The following OR6N2 variants were observed in gnomAD, a reference collection of about 807,000 sequenced individuals.
OR6N2 encodes the protein olfactory receptor family 6 subfamily N member 2, also known as olfactory receptor 6N2.
For missense variants in OR6N2, 399 were observed against 379.7 expected, an observed-to-expected ratio of 1.05 and a Z score of -0.42; for synonymous variants, 160 against 138.3, an observed-to-expected ratio of 1.16 and a Z score of -1.10.
In OR6N2 at chr1:158,776,592, T is replaced by C. The variant is rs1227724081; in HGVS notation, c.*90A>G. ...AAGTCTTTGAAGAGGTGAAAGGAAATGAAATTCAGAGCATGTGTGATGATG... is the reference window on the plus strand; with the variant it reads ...AAGTCTTTGAAGAGGTGAAAGGAAACGAAATTCAGAGCATGTGTGATGATG... On this transcript the variant is annotated 3_prime_UTR_variant, in exon 2 of 2. Coordinates refer to ENST00000641131, the MANE Select transcript of OR6N2 (RefSeq NM_001005278.2). 3 of 695,182 alleles carry C rather than the reference T, an allele frequency of 4.3e-6. No homozygotes were observed. The highest frequency in any genetic ancestry group is 2.2e-5 in the South Asian group (1 of 46,080). 43.1% of individuals were successfully genotyped at this position (695,182 alleles called of 1,614,324 possible).
In OR6N2 at chr1:158,777,319, GAGTGGAAGA is replaced by G. The variant is rs749430304; in HGVS notation, c.308_316del (p.Phe103_His105del). 2 of 1,614,038 alleles carry G rather than the reference GAGTGGAAGA, an allele frequency of 1.2e-6. No homozygotes were observed. The highest frequency in any genetic ancestry group is 2.7e-5 in the African/African-American group (2 of 74,922). On this transcript the variant is annotated inframe_deletion, in exon 2 of 2. Transcript: ENST00000641131. ...AAGGTAGCATTCAGACGCTCCCAAG[GAGTGGAAGA>G]AGTAGGTCTGAAGGAGGCATCCTGC...
rs762597121 is a variant in OR6N2, at chr1:158,777,524, T to C, written c.112A>G (p.Thr38Ala). Reference protein sequence around the residue: ...FVLLLLAYLFTICGNMLIFSV... With the variant: ...FVLLLLAYLFAICGNMLIFSV... ...AAGATGAGCATGTTACCACAGATGGTGAACAGGTATGCCAATAGCAGCAGG... is the reference window on the plus strand; with the variant it reads ...AAGATGAGCATGTTACCACAGATGGCGAACAGGTATGCCAATAGCAGCAGG... The change falls in exon 2 of 2, where the codon ACC becomes GCC. Residue 38 changes from threonine (T) to alanine (A), a missense_variant. Transcript: ENST00000641131. The C allele has an allele frequency of 6.2e-6, 10 of 1,614,004 alleles. No homozygotes were observed. Among genetic ancestry groups the C allele is most frequent in the Non-Finnish European group, 8.5e-6 (10 of 1,180,008 alleles).
At position 158,777,659 on chromosome 1, in the gene OR6N2, A is replaced by G. The variant is rs750510037; in HGVS notation, c.-6-18T>C. 2.0e-6 allele frequency: 3 copies of G among 1,480,920 alleles called. No individual in the cohort carries two copies. Among genetic ancestry groups the G allele is most frequent in the East Asian group, 2.3e-5 (1 of 44,012 alleles). 91.7% of individuals were successfully genotyped at this position (1,480,920 alleles called of 1,614,324 possible). ...ATGGGAGGCTGAGGTAAAGAAGGAA[A>G]GAAGAAAACATTGGATTGAGATGAC... On this transcript the variant is annotated intron_variant, in intron 1 of 1. Transcript: ENST00000641131.
chr1:158,774,881 T>C lies in OR6N2; in HGVS notation c.*1801A>G, dbSNP rs1014276427. 1 of 152,202 alleles carries C rather than the reference T, an allele frequency of 6.6e-6. No homozygotes were observed. The highest frequency in any genetic ancestry group is 2.4e-5 in the African/African-American group (1 of 41,444). The allele number at this position is 152,202 out of a possible 1,614,324, so 9.4% of individuals were successfully genotyped here. ...AAATAGGGAAGACCGATGCATTCTA[T>C]AGAACAGTGGGTTTCAGTAATGATT... is the stretch of plus-strand genomic sequence containing the variant. On this transcript the variant is annotated 3_prime_UTR_variant, in exon 2 of 2. Transcript: ENST00000641131.
rs1376806295 is a variant in OR6N2, at chr1:158,777,486, T to G, written c.150A>C (p.Arg50=). ...CGNMLIFSVI[R]LDAALHTPMY... ...TAGGTGTGTGCAGAGCTGCATCCAG[T>G]CGGATGACTGAGAAGATGAGCATGT... The change falls in exon 2 of 2, where the codon CGA becomes CGC. Residue 50 remains arginine, a synonymous_variant. Transcript: ENST00000641131. The G allele has an allele frequency of 6.2e-7, 1 of 1,614,144 alleles. No individual in the cohort carries two copies. Among genetic ancestry groups the G allele is most frequent in the South Asian group, 1.1e-5 (1 of 91,080 alleles).
chr1:158,776,786 T>C lies in OR6N2; in HGVS notation c.850A>G (p.Met284Val). Residue 284 changes from methionine to valine, a missense_variant, in exon 2 of 2, where the codon ATG (methionine) becomes GTG (valine). Physicochemically the swap from Met to Val is conservative, Grantham distance 21. Coordinates refer to ENST00000641131, the MANE Select transcript of OR6N2 (RefSeq NM_001005278.2). ...AGACTGTAGATAATTGGATTGACCA[T>C]TGGTGTTAGTACGGAGTAAACTATA... ...LAIVYSVLTP[M>V]VNPIIYSLRN... 6.2e-7 allele frequency: 1 copy of C among 1,613,968 alleles called. No homozygotes were observed. The highest frequency in any genetic ancestry group is 8.5e-7 in the Non-Finnish European group (1 of 1,179,838).
In OR6N2 at chr1:158,781,153, C is replaced by T. The variant is rs1571614964; in HGVS notation, c.-7+17G>A. The T allele has an allele frequency of 6.6e-6, 1 of 152,344 alleles. No individual in the cohort carries two copies. The highest frequency in any genetic ancestry group is 1.9e-4 in the East Asian group (1 of 5,178). The allele number at this position is 152,344 out of a possible 1,614,324, so 9.4% of individuals were successfully genotyped here. On this transcript the variant is annotated intron_variant, in intron 1 of 1. Coordinates refer to ENST00000641131, the MANE Select transcript of OR6N2 (RefSeq NM_001005278.2). Reference sequence around the variant, plus strand: ...ATCCCTGATCAATATAGTTAATGTGCCCCTTAGTTCACCTACCAACCACTG... The same window carrying T: ...ATCCCTGATCAATATAGTTAATGTGTCCCTTAGTTCACCTACCAACCACTG...
chr1:158,777,844 T>A (rs1208946066), intron 1 of OR6N2, among the ~76,000 whole-genome samples: 1 of 152,260 alleles, frequency 6.6e-6, no homozygotes, highest in Non-Finnish European at 1.5e-5. Flanking sequence ...TACAAGTGTC[T>A]TGCATTCAAT....
At position 158,775,288 on chromosome 1, in the gene OR6N2, C is replaced by A. The variant is rs944467087; in HGVS notation, c.*1394G>T. The stretch of plus-strand genomic sequence containing the variant: ...ATTGATATTTGAACAGAAAATCACA[C>A]AATTAGGAGGAGTGAACCAAATGAA... On this transcript the variant is annotated 3_prime_UTR_variant, in exon 2 of 2. Coordinates refer to ENST00000641131, the MANE Select transcript of OR6N2 (RefSeq NM_001005278.2). The A allele has an allele frequency of 6.6e-6, 1 of 152,084 alleles. No homozygotes were observed. Among genetic ancestry groups the A allele is most frequent in the African/African-American group, 2.4e-5 (1 of 41,398 alleles). 9.4% of individuals were successfully genotyped at this position (152,084 alleles called of 1,614,324 possible). A position where few individuals can be genotyped will look rare whatever the true frequency, so the allele number is the denominator to read the frequency against.
rs1227309905 is a variant in OR6N2, at chr1:158,776,113, A to G, written c.*569T>C. 1.3e-5 allele frequency: 2 copies of G among 152,258 alleles called. No individual in the cohort carries two copies. The highest frequency in any genetic ancestry group is 4.8e-5 in the African/African-American group (2 of 41,466). 9.4% of individuals were successfully genotyped at this position (152,258 alleles called of 1,614,324 possible). On this transcript the variant is annotated 3_prime_UTR_variant, in exon 2 of 2. Coordinates refer to ENST00000641131, the MANE Select transcript of OR6N2 (RefSeq NM_001005278.2). ...AGACTGGGAAAGACTCACAAGAAAG[A>G]TAAGAAAATTGGGAGGTAATGATGT...
At position 158,776,636 on chromosome 1, in the gene OR6N2, C is replaced by A; in HGVS notation, c.*46G>T. The A allele has an allele frequency of 8.5e-7, 1 of 1,171,976 alleles. No homozygotes were observed. The highest frequency in any genetic ancestry group is 1.2e-6 in the Non-Finnish European group (1 of 819,660). 72.6% of individuals were successfully genotyped at this position (1,171,976 alleles called of 1,614,324 possible). ...GATGATGGGAAGATTACTCAAGGAA[C>A]TTTTATGAATTGAACATTGAGGTGA... On this transcript the variant is annotated 3_prime_UTR_variant, in exon 2 of 2. Coordinates refer to ENST00000641131, the MANE Select transcript of OR6N2 (RefSeq NM_001005278.2).
At position 158,775,428 on chromosome 1, in the gene OR6N2, A is replaced by G. The variant is rs1016054762; in HGVS notation, c.*1254T>C. 9 of 152,216 alleles carry G rather than the reference A, an allele frequency of 5.9e-5. No individual in the cohort carries two copies. Among genetic ancestry groups the G allele is most frequent in the African/African-American group, 2.2e-4 (9 of 41,468 alleles). 9.4% of individuals were successfully genotyped at this position (152,216 alleles called of 1,614,324 possible). ...AAGAGGGAGCTGAGGGAGTAGAGGT[A>G]TGAATCTATGTTGAAGAGGAAGGCA... is the stretch of plus-strand genomic sequence containing the variant. On this transcript the variant is annotated 3_prime_UTR_variant, in exon 2 of 2. Transcript: ENST00000641131.
At position 158,777,584 on chromosome 1, in the gene OR6N2, CA is replaced by C. The variant is rs1657641078; in HGVS notation, c.51del (p.Phe17LeufsTer118). ...SSLAEFVFLG[F>X]ASVGYVRGWL... ...CAGCCCCTGACATAGCCCACACTGG[CA>C]AAGCCAAGGAACACAAATTCAGCCA... On this transcript the variant is annotated frameshift_variant, in exon 2 of 2. Coordinates refer to ENST00000641131, the MANE Select transcript of OR6N2 (RefSeq NM_001005278.2). LOFTEE classifies it low-confidence loss of function (END_TRUNC). 1 of 1,613,864 alleles carries C rather than the reference CA, an allele frequency of 6.2e-7. No individual in the cohort carries two copies. The highest frequency in any genetic ancestry group is 8.5e-7 in the Non-Finnish European group (1 of 1,179,994).
In OR6N2 at chr1:158,776,798, C is replaced by A; in HGVS notation, c.838G>T (p.Val280Leu). The change falls in exon 2 of 2, where the codon GTA becomes TTA. Residue 280 changes from valine (V) to leucine (L), a missense_variant. By Grantham distance (32) the Val-to-Leu change is conservative (BLOSUM62 1). Transcript: ENST00000641131. ...LDRTLAIVYS[V>L]LTPMVNPIIY... ...ATTGGATTGACCATTGGTGTTAGTACGGAGTAAACTATAGCAAGTGTTCGG... is the reference window on the plus strand; with the variant it reads ...ATTGGATTGACCATTGGTGTTAGTAAGGAGTAAACTATAGCAAGTGTTCGG... 1.9e-6 allele frequency: 3 copies of A among 1,613,882 alleles called. No homozygotes were observed. Among genetic ancestry groups the A allele is most frequent in the Non-Finnish European group, 2.5e-6 (3 of 1,179,826 alleles).
Position 158,775,920 on chromosome 1 carries a change from T to A in OR6N2, c.*762A>T, listed in dbSNP as rs1657581419. ...TGTTAAGTTTTAAATTATTGACAAGTCCAATCCAGGCAGTGTTGATAAGTA... is the reference window on the plus strand; with the variant it reads ...TGTTAAGTTTTAAATTATTGACAAGACCAATCCAGGCAGTGTTGATAAGTA... On this transcript the variant is annotated 3_prime_UTR_variant, in exon 2 of 2. Coordinates refer to ENST00000641131, the MANE Select transcript of OR6N2 (RefSeq NM_001005278.2). 6.6e-6 allele frequency: 1 copy of A among 152,180 alleles called. No individual in the cohort carries two copies. The highest frequency in any genetic ancestry group is 2.4e-5 in the African/African-American group (1 of 41,450). 9.4% of individuals were successfully genotyped at this position (152,180 alleles called of 1,614,324 possible).
chr1:158,778,025 T>C lies in OR6N2; in HGVS notation c.-6-384A>G, dbSNP rs116800204. On this transcript the variant is annotated intron_variant, in intron 1 of 1. Transcript: ENST00000641131. ...ACCATCCTCAAGCATTCTAGCTCTA[T>C]ACTATATGACTGTTCCCAAACATTC... 3.0e-3 allele frequency among the ~76,000 whole-genome samples: 457 copies of C among 152,338 alleles called. 2 individuals are homozygous for C. Among genetic ancestry groups the C allele is most frequent in the African/African-American group, 0.011 (443 of 41,578 alleles).
At chr1:158,780,738 C>G (rs1009160979) in intron 1 of OR6N2, among the ~76,000 whole-genome samples, 4 of 152,138 alleles carry the variant, frequency 2.6e-5, no homozygotes, top group Admixed American at 2.6e-4. Flanking sequence ...GTAGAATTAT[C>G]GTTCATTGGG....
Position 158,774,428 on chromosome 1 carries a change from T to C in OR6N2, c.*2254A>G, listed in dbSNP as rs1409179247. 6.6e-6 allele frequency: 1 copy of C among 152,120 alleles called. No homozygotes were observed. The highest frequency in any genetic ancestry group is 1.5e-5 in the Non-Finnish European group (1 of 68,036). The allele number at this position is 152,120 out of a possible 1,614,324, so 9.4% of individuals were successfully genotyped here. A position where few individuals can be genotyped will look rare whatever the true frequency, so the allele number is the denominator to read the frequency against. On this transcript the variant is annotated 3_prime_UTR_variant, in exon 2 of 2. Coordinates refer to ENST00000641131, the MANE Select transcript of OR6N2 (RefSeq NM_001005278.2). The stretch of plus-strand genomic sequence containing the variant: ...GCAATGAGAAACAGAAGCCTGGGGT[T>C]CATCACAAGCCCATTCCCACAGCTC...
chr1:158,776,829 G>T lies in OR6N2; in HGVS notation c.807C>A (p.Thr269=). The part of the protein sequence containing the change: ...YVRLKKSYSL[T]LDRTLAIVYS... Reference sequence around the variant, plus strand: ...AAACTATAGCAAGTGTTCGGTCAAGGGTCAGGGAATAGCTCTTCTTTAGCC... The same window carrying T: ...AAACTATAGCAAGTGTTCGGTCAAGTGTCAGGGAATAGCTCTTCTTTAGCC... The change falls in exon 2 of 2, where the codon ACC becomes ACA. Residue 269 remains threonine, a synonymous_variant. Transcript: ENST00000641131. The T allele has an allele frequency of 2.5e-6, 4 of 1,614,112 alleles. No homozygotes were observed. The highest frequency in any genetic ancestry group is 3.4e-6 in the Non-Finnish European group (4 of 1,180,004).
Sources: allele counts gnomAD v4.1 joint callset (sites outside exome capture counted in the v4.1 genomes callset), GRCh38; gene constraint gnomAD v4.1.1; transcripts MANE v1.5; gene names NCBI Gene and HGNC (gene_info 2026-07-23, HGNC 2026-07-21).